Variants in AFAP1L2 observed in about 807,000 individuals in gnomAD.
The protein encoded by AFAP1L2 is actin filament associated protein 1 like 2.
A neutral mutation model predicts 99.3 loss-of-function variants in AFAP1L2; 46 were observed. The observed-to-expected ratio is 0.46, with a 90% CI of 0.37 to 0.59. The LOEUF is 0.59. Ranked by LOEUF, AFAP1L2 falls within the 20% of genes least tolerant of loss-of-function variation. The probability of loss-of-function intolerance (pLI) is 0.00; values close to 1 mark genes in which losing one functional copy is unlikely to be tolerated. For missense variants in AFAP1L2, 959 were observed against 1,034.9 expected (o/e 0.93, Z 1.01); for synonymous variants, 397 against 419.1 (o/e 0.95, Z 0.64).
At chr10:114,322,021 C>T (rs2045436848) in intron 5 of AFAP1L2, among the ~76,000 whole-genome samples, 1 of 152,160 alleles carries the variant, frequency 6.6e-6, no homozygotes, top group Admixed American at 6.6e-5. Context: ...GTGAGTCTTT[C>T]CCATGCTGTT....
At chr10:114,286,905 G>C in the AFAP1L2 span, among the ~76,000 whole-genome samples, 1 of 152,320 alleles carries the variant, frequency 6.6e-6, no homozygotes, top group African/African-American at 2.4e-5. Context: ...CCACAGAAAA[G>C]TGTGTTCCTG....
chr10:114,360,330 C>T (rs1012960310), intron 1 of AFAP1L2, among the ~76,000 whole-genome samples: 3 of 152,142 alleles, frequency 2.0e-5, no homozygotes, highest in African/African-American at 7.2e-5. Context: ...GGTACTCAGA[C>T]CTTCAGACTC....
Position 114,304,752 on chromosome 10 carries a change from G to A in AFAP1L2, c.1251C>T (p.Ile417=), listed in dbSNP as rs138843408. 1.1e-5 allele frequency: 17 copies of A among 1,611,678 alleles called. No homozygotes were observed. Among genetic ancestry groups the A allele is most frequent in the Admixed American group, 1.7e-5 (1 of 60,002 alleles). The change falls in exon 11 of 19, where the codon ATC becomes ATT. Residue 417 remains isoleucine, a synonymous_variant. Coordinates refer to ENST00000304129, the MANE Select transcript of AFAP1L2 (RefSeq NM_001001936.3). The part of the protein sequence containing the change: ...PSPDHLYSFR[I]LHKGEELAKL... The stretch of plus-strand genomic sequence containing the variant: ...TGGCCAGCTCCTCGCCCTTGTGGAG[G>A]ATGCGGAAGGAGTAGAGGTGGTCGG...
chr10:114,310,488 C>T, intron 7 of AFAP1L2, 45 bp from the exon 8 acceptor site: 1 of 1,562,862 alleles, frequency 6.4e-7, no homozygotes, highest in Non-Finnish European at 8.7e-7. Context: ...GGTCCTCTGG[C>T]CAGCACTCAC....
chr10:114,306,658 G>A (rs368865820), intron 10 of AFAP1L2, among the ~76,000 whole-genome samples: 1 of 152,076 alleles, frequency 6.6e-6, no homozygotes, highest in East Asian at 1.9e-4. Flanking sequence ...CAATCCTCTG[G>A]ACCACAGAGA....
At chr10:114,395,530 T>C (rs992554397) in intron 1 of AFAP1L2, among the ~76,000 whole-genome samples, 1 of 151,978 alleles carries the variant, frequency 6.6e-6, no homozygotes, top group African/African-American at 2.4e-5. Flanking sequence ...AACAATAAGC[T>C]CATTCAACAA....
intron 1 of AFAP1L2, among the ~76,000 whole-genome samples, chr10:114,380,895 T>C (rs1448855934): frequency 5.3e-5 from 8 of 152,234 alleles, no homozygotes; most frequent in African/African-American, 7.2e-5. Context: ...CTAGTGGGTA[T>C]GTAAAATGGT....
chr10:114,355,927 TG>T (rs1335806813), intron 1 of AFAP1L2, among the ~76,000 whole-genome samples: 1 of 152,146 alleles, frequency 6.6e-6, no homozygotes, highest in East Asian at 1.9e-4. Context: ...GAGCAGTAAT[TG>T]CGCCACTGCA....
chr10:114,302,001 G>T (rs997463947), intron 12 of AFAP1L2: 1 of 294,570 alleles, frequency 3.4e-6, no homozygotes. Flanking sequence ...TTTCTCCAGG[G>T]TGTGCTGGAG....
At chr10:114,373,500 C>T (rs879855082) in intron 1 of AFAP1L2, among the ~76,000 whole-genome samples, 3 of 152,070 alleles carry the variant, frequency 2.0e-5, no homozygotes, top group Non-Finnish European at 4.4e-5. Flanking sequence ...TGGTGCATGC[C>T]TGTAATCCCA....
chr10:114,389,701 G>A (rs2056914092), intron 1 of AFAP1L2, among the ~76,000 whole-genome samples: 1 of 152,152 alleles, frequency 6.6e-6, no homozygotes, highest in African/African-American at 2.4e-5. Context: ...CTGTGACAAT[G>A]GTGGACTGCT....
At chr10:114,397,624 G>A (rs1291632091) in intron 1 of AFAP1L2, among the ~76,000 whole-genome samples, 1 of 152,166 alleles carries the variant, frequency 6.6e-6, no homozygotes, top group Non-Finnish European at 1.5e-5. Context: ...GACTTTCAGT[G>A]GTAAAACCAG....
intron 4 of AFAP1L2, among the ~76,000 whole-genome samples, chr10:114,323,617 T>C (rs1163339178): frequency 6.6e-6 from 1 of 152,238 alleles, no homozygotes; most frequent in East Asian, 1.9e-4. Context: ...ATAGCTATTG[T>C]GGCTTTTAAA....
chr10:114,340,411 C>T (rs561629204), intron 2 of AFAP1L2, among the ~76,000 whole-genome samples, 192 bp downstream of exon 2: 1 of 152,220 alleles, frequency 6.6e-6, no homozygotes, highest in Admixed American at 6.5e-5. Context: ...ATCAGCCCGC[C>T]AGGGAGAGAG....
intron 1 of AFAP1L2, among the ~76,000 whole-genome samples, chr10:114,373,519 G>A (rs905899864): frequency 6.6e-6 from 1 of 152,052 alleles, no homozygotes; most frequent in Admixed American, 6.6e-5. Flanking sequence ...CAGCTACTTG[G>A]GAACCTGAGG....
intron 10 of AFAP1L2, among the ~76,000 whole-genome samples, chr10:114,305,830 CCAGGAGGGGACGCGGGTG>C (rs1364843635): frequency 3.2e-4 from 11 of 33,880 alleles, no homozygotes; most frequent in African/African-American, 7.5e-4. Flanking sequence ...GGAGGCAGAT[CCAGGAGGGGACGCGGGTG>C]CAGGAGGGGA....
chr10:114,365,748 C>T (rs1354269604), intron 1 of AFAP1L2, among the ~76,000 whole-genome samples: 1 of 148,182 alleles, frequency 6.7e-6, no homozygotes, highest in East Asian at 2.0e-4. Flanking sequence ...TCTTCTGAGA[C>T]AGGGTCCTAC....
chr10:114,367,551 A>C (rs2053458318), intron 1 of AFAP1L2, among the ~76,000 whole-genome samples: 1 of 152,218 alleles, frequency 6.6e-6, no homozygotes, highest in African/African-American at 2.4e-5. Context: ...GAGCAGCAAG[A>C]AACTGACCAA....
At chr10:114,321,542 T>C (rs1350310581) in intron 5 of AFAP1L2, among the ~76,000 whole-genome samples, 1 of 152,226 alleles carries the variant, frequency 6.6e-6, no homozygotes, top group Admixed American at 6.5e-5. Context: ...TCATTCCTGG[T>C]CCTGCTCTTT....
Sources: gnomAD v4.1 joint callset for allele counts (sites outside exome capture counted in the v4.1 genomes callset) on GRCh38, gnomAD v4.1.1 for gene constraint, MANE v1.5 for transcripts, NCBI Gene and HGNC (gene_info 2026-07-23, HGNC 2026-07-21) for gene names.